FRMD5: variants seen among roughly 807,000 people sequenced by gnomAD.
FRMD5 encodes FERM domain-containing protein 5.
In FRMD5, 20 loss-of-function variants were observed where a neutral mutation model predicts 69.0. That is an observed-to-expected ratio of 0.29 (90% CI 0.20 to 0.42). The LOEUF (loss-of-function observed/expected upper bound fraction) is 0.42, where lower values mean the gene tolerates loss of function less well. Ranked by LOEUF, FRMD5 falls within the 10% of genes least tolerant of loss-of-function variation. FRMD5 has a pLI of 1.00. For missense variants in FRMD5, 595 were observed against 708.6 expected (o/e 0.84, Z 1.82); for synonymous variants, 271 against 260.1 (o/e 1.04, Z -0.40).
chr15:44,093,190 A>C (rs1026028855), intron 1 of FRMD5, among the ~76,000 whole-genome samples: 2 of 152,044 alleles, frequency 1.3e-5, no homozygotes, highest in African/African-American at 4.8e-5. Flanking sequence ...TCAACCTCCC[A>C]AAGCGCTGGT....
intron 1 of FRMD5, among the ~76,000 whole-genome samples, chr15:43,960,395 G>A (rs1033395104): frequency 1.3e-5 from 2 of 152,196 alleles, no homozygotes; most frequent in Non-Finnish European, 2.9e-5. Context: ...GACTACAGGT[G>A]CCTGCCACCA....
rs1245629045 is a variant in FRMD5, at chr15:44,156,166, C to CA, written c.102+38786dup. ...ATGACATATAATTTTTTTTTTGAGA[C>CA]AGAGTCTCGCTCTGTCACCCAGACA... On this transcript the variant is annotated intron_variant, in intron 1 of 13. Coordinates refer to ENST00000417257, the MANE Select transcript of FRMD5 (RefSeq NM_032892.5). Among the ~76,000 whole-genome samples the CA allele has an allele frequency of 3.3e-5, 5 of 151,820 alleles. No homozygotes were observed. In the South Asian group the frequency reaches 6.2e-4, roughly 19 times the overall value.
intron 1 of FRMD5, among the ~76,000 whole-genome samples, chr15:44,056,800 A>T (rs1390075316): frequency 1.3e-5 from 2 of 151,920 alleles, no homozygotes; most frequent in Non-Finnish European, 2.9e-5. Context: ...CCATTATCTC[A>T]TTGACCCTTA....
At chr15:44,191,938 A>ATATCTATC (rs2078203726) in intron 1 of FRMD5, among the ~76,000 whole-genome samples, 5 of 125,880 alleles carry the variant, frequency 4.0e-5, no homozygotes, top group African/African-American at 1.5e-4. Context: ...ATATATATAT[A>ATATCTATC]TATGTATCTC....
intron 1 of FRMD5, among the ~76,000 whole-genome samples, chr15:44,157,762 GATGA>G (rs940458563): frequency 2.0e-5 from 3 of 152,026 alleles, no homozygotes; most frequent in African/African-American, 7.2e-5. Flanking sequence ...CAATTCAGGA[GATGA>G]AAGAAAAGGA....
At chr15:43,913,033 CAAAAAA>C (rs1242970072) in intron 4 of FRMD5, among the ~76,000 whole-genome samples, 1 of 87,126 alleles carries the variant, frequency 1.1e-5, no homozygotes, top group African/African-American at 3.8e-5. Context: ...AACTCCATCT[CAAAAAA>C]AAAAAAAAAA....
chr15:43,950,636 T>C (rs2090012354), intron 1 of FRMD5, among the ~76,000 whole-genome samples: 1 of 152,176 alleles, frequency 6.6e-6, no homozygotes, highest in Non-Finnish European at 1.5e-5. Flanking sequence ...GCGTTCCCAT[T>C]CAATGGATCT....
At chr15:44,085,923 C>G (rs549797435) in intron 1 of FRMD5, among the ~76,000 whole-genome samples, 71 of 151,960 alleles carry the variant, frequency 4.7e-4, no homozygotes, top group African/African-American at 1.7e-3. Flanking sequence ...AATAATTTGC[C>G]CAAATCACTT....
chr15:44,194,069 G>A (rs1366685111), intron 1 of FRMD5, among the ~76,000 whole-genome samples: 1 of 152,162 alleles, frequency 6.6e-6, no homozygotes, highest in African/African-American at 2.4e-5. Context: ...TTCAATCTCT[G>A]ACTTTTTCAT....
chr15:43,942,782 CAG>C (rs2089883249), intron 1 of FRMD5, among the ~76,000 whole-genome samples: 1 of 152,134 alleles, frequency 6.6e-6, no homozygotes, highest in Non-Finnish European at 1.5e-5. Flanking sequence ...TTTTTTGAGA[CAG>C]AGTCTTGCTC....
At chr15:44,082,288 A>T (rs2140450762) in intron 1 of FRMD5, among the ~76,000 whole-genome samples, 1 of 152,100 alleles carries the variant, frequency 6.6e-6, no homozygotes, top group African/African-American at 2.4e-5. Context: ...ATAAGTCTGC[A>T]CTGGCAAAAC....
chr15:44,096,854 G>A (rs1393505877), intron 1 of FRMD5, among the ~76,000 whole-genome samples: 2 of 152,144 alleles, frequency 1.3e-5, no homozygotes, highest in Non-Finnish European at 2.9e-5. Context: ...TCACACAGGG[G>A]TACTACTCAC....
At chr15:43,991,187 G>T (rs1444593470) in intron 1 of FRMD5, among the ~76,000 whole-genome samples, 1 of 152,202 alleles carries the variant, frequency 6.6e-6, no homozygotes, top group Admixed American at 6.5e-5. Context: ...TATTTTACCC[G>T]AAGCTGCCAA....
Position 44,139,299 on chromosome 15 carries a change from A to C in FRMD5, c.102+55654T>G, listed in dbSNP as rs1291886225. On this transcript the variant is annotated intron_variant, in intron 1 of 13. Transcript: ENST00000417257. ...ACCATCTATAGCTCCCCCTCTCTCT[A>C]CACACACACACACACACACACACAC... Among the ~76,000 whole-genome samples, 138 of 84,114 alleles carry C rather than the reference A, an allele frequency of 1.6e-3. 2 individuals are homozygous for C. In the East Asian group the frequency reaches 0.032, roughly 19 times the overall value. The allele number at this position is 84,114 out of a possible 152,430, so 55.2% of individuals were successfully genotyped here.
At chr15:43,923,575 C>T (rs2089533189) in intron 2 of FRMD5, among the ~76,000 whole-genome samples, 2 of 152,134 alleles carry the variant, frequency 1.3e-5, no homozygotes, top group South Asian at 4.1e-4. Flanking sequence ...ATCTGGAGGG[C>T]AAAAGTATTA....
At chr15:44,098,120 A>C (rs2623018) in intron 1 of FRMD5, among the ~76,000 whole-genome samples, 7 of 142,246 alleles carry the variant, frequency 4.9e-5, no homozygotes, top group African/African-American at 1.6e-4. Flanking sequence ...CAAAACAAAA[A>C]AAAAAAAACT....
At chr15:43,911,286 A>G (rs1203333038) in intron 4 of FRMD5, among the ~76,000 whole-genome samples, 2 of 152,216 alleles carry the variant, frequency 1.3e-5, no homozygotes, top group African/African-American at 4.8e-5. Context: ...ACTTCTATCA[A>G]TAGAATAAAG....
chr15:44,062,127 C>T (rs764084485), intron 1 of FRMD5, among the ~76,000 whole-genome samples: 1 of 152,114 alleles, frequency 6.6e-6, no homozygotes, highest in Non-Finnish European at 1.5e-5. Context: ...GTGATTTTGT[C>T]ATTTATTTTC....
At chr15:44,044,540 T>G (rs1298577295) in intron 1 of FRMD5, among the ~76,000 whole-genome samples, 1 of 152,132 alleles carries the variant, frequency 6.6e-6, no homozygotes, top group African/African-American at 2.4e-5. Flanking sequence ...ATAGACTGGA[T>G]AAACAATATA....
Sources: gnomAD v4.1 joint callset for allele counts (sites outside exome capture counted in the v4.1 genomes callset) on GRCh38, gnomAD v4.1.1 for gene constraint, MANE v1.5 for transcripts, NCBI Gene and HGNC (gene_info 2026-07-23, HGNC 2026-07-21) for gene names.